The following TMEM132D variants were observed in gnomAD, a reference collection of about 807,000 sequenced individuals.
TMEM132D encodes the protein mature OL transmembrane protein.
Under a neutral mutation model 62.3 loss-of-function variants are expected in TMEM132D, and 21 were observed. The observed-to-expected ratio is 0.34, with a 90% CI of 0.24 to 0.49. TMEM132D has a LOEUF of 0.49. Ranked by LOEUF, TMEM132D falls within the 20% of genes least tolerant of loss-of-function variation. The pLI is 0.99. For missense variants in TMEM132D, 1,346 were observed against 1,402.8 expected (o/e 0.96, Z 0.65); for synonymous variants, 621 against 575.6 (o/e 1.08, Z -1.13).
At chr12:129,099,070 T>G (rs1875206026) in intron 5 of TMEM132D, among the ~76,000 whole-genome samples, 1 of 152,208 alleles carries the variant, frequency 6.6e-6, no homozygotes, top group Non-Finnish European at 1.5e-5. Flanking sequence ...CACAGCCGGA[T>G]AGACTTTTGT....
At chr12:129,150,635 G>T (rs1877045133) in intron 5 of TMEM132D, among the ~76,000 whole-genome samples, 1 of 152,202 alleles carries the variant, frequency 6.6e-6, no homozygotes, top group Admixed American at 6.5e-5. Flanking sequence ...AAGCCAGGTG[G>T]TCTGATCCCA....
chr12:129,088,007 CATGA>C (rs1874699333), intron 5 of TMEM132D, among the ~76,000 whole-genome samples: 1 of 96,640 alleles, frequency 1.0e-5, no homozygotes, highest in East Asian at 5.2e-4. Flanking sequence ...GGGTGTCCTC[CATGA>C]CCGGGTGTCC....
intron 1 of TMEM132D, among the ~76,000 whole-genome samples, chr12:129,708,630 AACACACACAC>A (rs869069705): frequency 9.3e-6 from 1 of 106,998 alleles, no homozygotes; most frequent in African/African-American, 3.8e-5. Flanking sequence ...AAAAAAAAAA[AACACACACAC>A]ACACACACAC....
At chr12:129,353,998 G>A (rs1257758539) in intron 3 of TMEM132D, among the ~76,000 whole-genome samples, 2 of 151,952 alleles carry the variant, frequency 1.3e-5, no homozygotes, top group East Asian at 1.9e-4. Flanking sequence ...TTGTGCATGG[G>A]ACTCAAAATC....
chr12:129,403,011 G>A (rs1871666652), intron 3 of TMEM132D, among the ~76,000 whole-genome samples: 1 of 152,056 alleles, frequency 6.6e-6, no homozygotes, highest in African/African-American at 2.4e-5. Context: ...TTCTGCCACG[G>A]GCCACTGAAG....
intron 5 of TMEM132D, among the ~76,000 whole-genome samples, chr12:129,136,014 TTAAAA>T (rs2135527643): frequency 6.6e-6 from 1 of 152,320 alleles, no homozygotes; most frequent in Admixed American, 6.5e-5. Flanking sequence ...GATTAGGACT[TTAAAA>T]TACGAATTTT....
intron 1 of TMEM132D, among the ~76,000 whole-genome samples, chr12:129,741,640 G>A (rs767514382): frequency 1.3e-5 from 2 of 152,152 alleles, no homozygotes; most frequent in African/African-American, 2.4e-5. Context: ...AAACTCATAC[G>A]TTCTGCAAGA....
intron 3 of TMEM132D, among the ~76,000 whole-genome samples, chr12:129,481,871 C>G (rs1874439893): frequency 6.6e-6 from 1 of 151,914 alleles, no homozygotes; most frequent in Non-Finnish European, 1.5e-5. Context: ...CCCAGGCACC[C>G]CCACCACCAC....
chr12:129,183,121 T>C (rs574931541), intron 5 of TMEM132D, among the ~76,000 whole-genome samples: 42 of 152,306 alleles, frequency 2.8e-4, no homozygotes, highest in Non-Finnish European at 5.7e-4. Context: ...CGTGTGTTCA[T>C]ATCCCTCTGA....
chr12:129,285,539 A>AAAAAAAAAAAAATG lies in TMEM132D; in HGVS notation c.1299+52094_1299+52095insCATTTTTTTTTTTT, dbSNP rs56018646. Among the ~76,000 whole-genome samples the AAAAAAAAAAAAATG allele has an allele frequency of 2.4e-4, 22 of 90,076 alleles. 1 individual carries two copies. In the East Asian group the frequency reaches 7.3e-3, roughly 30 times the overall value. The allele number at this position is 90,076 out of a possible 152,430, so 59.1% of individuals were successfully genotyped here. A position where few individuals can be genotyped will look rare whatever the true frequency, so the allele number is the denominator to read the frequency against. On this transcript the variant is annotated intron_variant, in intron 4 of 8. Coordinates refer to ENST00000422113, the MANE Select transcript of TMEM132D (RefSeq NM_133448.3). The stretch of plus-strand genomic sequence containing the variant: ...GAGACTGTGTCTCAAAAAAAAAAAA[A>AAAAAAAAAAAAATG]AGAGAGAGAGAGAGAGGCTCCCATT...
At chr12:129,516,695 C>T (rs899074665) in intron 3 of TMEM132D, among the ~76,000 whole-genome samples, 7 of 152,160 alleles carry the variant, frequency 4.6e-5, no homozygotes, top group Non-Finnish European at 8.8e-5. Flanking sequence ...CATAACACAT[C>T]ATCACTGCAG....
At chr12:129,303,891 A>G (rs1225616332) in intron 4 of TMEM132D, among the ~76,000 whole-genome samples, 1 of 152,092 alleles carries the variant, frequency 6.6e-6, no homozygotes, top group Non-Finnish European at 1.5e-5. Context: ...AGGAGCTCCA[A>G]TGCCTGAGGG....
At chr12:129,711,183 C>T (rs1881633830) in intron 1 of TMEM132D, among the ~76,000 whole-genome samples, 1 of 152,204 alleles carries the variant, frequency 6.6e-6, no homozygotes, top group South Asian at 2.1e-4. Context: ...CCCCTAAAAC[C>T]TCTCTTCTCA....
chr12:129,578,524 C>T (rs907322183), intron 2 of TMEM132D, among the ~76,000 whole-genome samples: 1 of 151,504 alleles, frequency 6.6e-6, no homozygotes, highest in Non-Finnish European at 1.5e-5. Flanking sequence ...CGCACACACA[C>T]ACATACACAT....
intron 3 of TMEM132D, among the ~76,000 whole-genome samples, chr12:129,465,973 G>A (rs1873878527): frequency 1.3e-5 from 2 of 152,196 alleles, no homozygotes; most frequent in African/African-American, 2.4e-5. Flanking sequence ...ATGAGCCATT[G>A]CACCTGGCCC....
chr12:129,472,289 T>G (rs7978918), intron 3 of TMEM132D, among the ~76,000 whole-genome samples: 1 of 152,002 alleles, frequency 6.6e-6, no homozygotes, highest in Non-Finnish European at 1.5e-5. Context: ...TTGCAGGGAC[T>G]TGGATGAAGC....
At chr12:129,818,980 A>C (rs1872459538) in intron 1 of TMEM132D, among the ~76,000 whole-genome samples, 1 of 151,806 alleles carries the variant, frequency 6.6e-6, no homozygotes, top group Non-Finnish European at 1.5e-5. Context: ...GGCTGCAGTG[A>C]GCTAGGATTG....
intron 2 of TMEM132D, among the ~76,000 whole-genome samples, chr12:129,588,654 A>T (rs1400225700): frequency 6.6e-6 from 1 of 151,586 alleles, no homozygotes; most frequent in Non-Finnish European, 1.5e-5. Context: ...CGCCCACTGC[A>T]AGCTCCGCCT....
chr12:129,331,937 G>A (rs1180629393), intron 4 of TMEM132D, among the ~76,000 whole-genome samples: 2 of 152,220 alleles, frequency 1.3e-5, no homozygotes, highest in Non-Finnish European at 2.9e-5. Context: ...CAGGCCGGGT[G>A]CAATGGCTCA....
Sources: gnomAD v4.1 joint callset for allele counts (sites outside exome capture counted in the v4.1 genomes callset) on GRCh38, gnomAD v4.1.1 for gene constraint, MANE v1.5 for transcripts, NCBI Gene and HGNC (gene_info 2026-07-23, HGNC 2026-07-21) for gene names.